IQCB1: variants seen among roughly 807,000 people sequenced by gnomAD.
IQCB1 encodes the protein IQ calmodulin-binding motif-containing protein 1.
IQCB1 carries 56 observed loss-of-function variants against 84.4 expected under a neutral mutation model. That is an observed-to-expected ratio of 0.66 (90% confidence interval 0.54 to 0.83). IQCB1 has a LOEUF of 0.83. IQCB1 is among the 40% of genes least tolerant of loss of function. IQCB1 has a pLI of 0.00. For missense variants in IQCB1, 629 were observed against 682.1 expected (o/e 0.92, Z 0.87); for synonymous variants, 210 against 234.8 (o/e 0.89, Z 0.96).
intron 7 of IQCB1, among the ~76,000 whole-genome samples, chr3:121,801,065 T>A (rs1159779418): frequency 6.6e-6 from 1 of 151,958 alleles, no homozygotes; most frequent in Non-Finnish European, 1.5e-5. Context: ...GACCATTCTT[T>A]TTCATTTGTC....
intron 2 of IQCB1, among the ~76,000 whole-genome samples, chr3:121,830,017 G>A (rs970485705): frequency 6.6e-6 from 1 of 152,030 alleles, no homozygotes; most frequent in African/African-American, 2.4e-5. Context: ...GACCAGCCTG[G>A]CCAACATGGT....
At chr3:121,771,389 C>T (rs981773069) in intron 14 of IQCB1, among the ~76,000 whole-genome samples, 2 of 151,782 alleles carry the variant, frequency 1.3e-5, no homozygotes, top group Non-Finnish European at 2.9e-5. Flanking sequence ...AGTGCAGTAG[C>T]GCGATCTCTG....
intron 12 of IQCB1, among the ~76,000 whole-genome samples, chr3:121,783,121 CTATTGTT>C (rs1264811703): frequency 6.6e-6 from 1 of 152,142 alleles, no homozygotes; most frequent in African/African-American, 2.4e-5. Context: ...TGATGTAACT[CTATTGTT>C]TAATGTGTCA....
chr3:121,816,867 T>C (rs1950083502), intron 5 of IQCB1, among the ~76,000 whole-genome samples: 1 of 152,222 alleles, frequency 6.6e-6, no homozygotes, highest in South Asian at 2.1e-4. Flanking sequence ...CTCAAGGATC[T>C]AGAATCAGAA....
At chr3:121,804,471 T>C (rs1353270468) in intron 7 of IQCB1, among the ~76,000 whole-genome samples, 2 of 152,168 alleles carry the variant, frequency 1.3e-5, no homozygotes, top group Non-Finnish European at 2.9e-5. Flanking sequence ...AAGTATTTCA[T>C]CTTTGCTTTT....
intron 5 of IQCB1, among the ~76,000 whole-genome samples, chr3:121,812,541 T>C (rs757633269): frequency 3.3e-5 from 5 of 152,082 alleles, no homozygotes; most frequent in Non-Finnish European, 5.9e-5. Flanking sequence ...GTTAGACAAA[T>C]TGCTAACTAG....
chr3:121,817,259 G>C (rs4629377), intron 5 of IQCB1, among the ~76,000 whole-genome samples: 13,181 of 152,066 alleles, frequency 0.087, 1,233 homozygotes, highest in Admixed American at 0.29. Context: ...GGCCTGTCAG[G>C]GGGTAGGGAG....
chr3:121,809,831 G>A (rs1165415603), intron 5 of IQCB1, among the ~76,000 whole-genome samples: 1 of 151,748 alleles, frequency 6.6e-6, no homozygotes, highest in African/African-American at 2.4e-5. Context: ...AAGTAATGAT[G>A]AGACCCGCAA....
chr3:121,778,448 C>A (rs971267477), intron 13 of IQCB1, among the ~76,000 whole-genome samples: 6 of 152,008 alleles, frequency 3.9e-5, no homozygotes, highest in African/African-American at 1.2e-4. Context: ...ATGTTAAATC[C>A]TTTACAACTT....
intron 10 of IQCB1, among the ~76,000 whole-genome samples, chr3:121,794,902 T>G (rs570918502): frequency 1.4e-4 from 22 of 152,260 alleles, no homozygotes; most frequent in African/African-American, 5.3e-4. Context: ...TTACCATAAA[T>G]TACCTAGAAG....
intron 10 of IQCB1, among the ~76,000 whole-genome samples, chr3:121,792,624 T>C (rs1949036688): frequency 7.8e-6 from 1 of 127,616 alleles, no homozygotes; most frequent in Non-Finnish European, 1.6e-5. Context: ...ATTGCGCCAC[T>C]GCACTCCCGC....
chr3:121,802,726 G>A (rs1949453174), intron 7 of IQCB1, among the ~76,000 whole-genome samples: 1 of 151,794 alleles, frequency 6.6e-6, no homozygotes, highest in African/African-American at 2.4e-5. Context: ...TCTTTTCCTA[G>A]TTTCTTAAAG....
intron 5 of IQCB1, among the ~76,000 whole-genome samples, chr3:121,814,689 A>C (rs1949979411): frequency 6.6e-6 from 1 of 152,162 alleles, no homozygotes; most frequent in Admixed American, 6.5e-5. Context: ...GGACACATAC[A>C]CCCTCCCAAG....
chr3:121,801,926 A>G (rs1336951108), intron 7 of IQCB1, among the ~76,000 whole-genome samples: 3 of 150,368 alleles, frequency 2.0e-5, no homozygotes, highest in South Asian at 4.2e-4. Flanking sequence ...GCTTGTTAAC[A>G]TAAGTTACAA....
intron 13 of IQCB1, among the ~76,000 whole-genome samples, chr3:121,777,204 T>G (rs374048670): frequency 2.3e-4 from 35 of 152,346 alleles, no homozygotes; most frequent in African/African-American, 8.4e-4. Context: ...AATAGCCAAT[T>G]GCTCCAGTTT....
At chr3:121,809,789 T>C (rs889700215) in intron 5 of IQCB1, among the ~76,000 whole-genome samples, 2 of 152,170 alleles carry the variant, frequency 1.3e-5, no homozygotes, top group East Asian at 1.9e-4. Flanking sequence ...ACTAATCTTA[T>C]CCATGTCCTG....
intron 5 of IQCB1, 110 bp downstream of exon 5, chr3:121,825,941 T>G (rs1207863193): frequency 2.9e-6 from 3 of 1,045,390 alleles, no homozygotes; most frequent in Non-Finnish European, 4.3e-6. Flanking sequence ...AATGTTTAAA[T>G]TCACTACTTT....
chr3:121,788,413 A>G lies in IQCB1; in HGVS notation c.1149T>C (p.Tyr383=). The G allele has an allele frequency of 6.2e-7, 1 of 1,613,736 alleles. No homozygotes were observed. Residue 383 remains tyrosine, a synonymous_variant, in exon 12 of 15, where the codon TAT becomes TAC. Coordinates refer to ENST00000310864, the MANE Select transcript of IQCB1 (RefSeq NM_001023570.4). ...GTGCTGATTTCTCTTCCATTTCCCG[A>G]TAGTGTTTCTCCACCTGACCTAAAA... ...IVHPGQVEKH[Y]REMEEKSALI... is the part of the protein sequence containing the mutation.
intron 14 of IQCB1, among the ~76,000 whole-genome samples, chr3:121,771,850 T>C (rs1370765620): frequency 6.6e-5 from 10 of 152,116 alleles, no homozygotes. Flanking sequence ...GGATCAGTGG[T>C]TATGATGAAT....
Sources: gnomAD v4.1 joint callset for allele counts (sites outside exome capture counted in the v4.1 genomes callset) on GRCh38, gnomAD v4.1.1 for gene constraint, MANE v1.5 for transcripts, NCBI Gene and HGNC (gene_info 2026-07-23, HGNC 2026-07-21) for gene names.